Variants in CCNY observed in about 807,000 individuals in gnomAD.
CCNY encodes cyclin-Y.
Under a neutral mutation model 42.8 loss-of-function variants are expected in CCNY, and 19 were observed. The observed-to-expected ratio is 0.44, with a 90% CI of 0.31 to 0.65. CCNY has a LOEUF of 0.65. Ranked by LOEUF, CCNY falls within the 30% of genes least tolerant of loss-of-function variation. The pLI, the probability that CCNY is intolerant of heterozygous loss-of-function variation, is 0.07. For synonymous variants in CCNY, 165 were observed against 162.7 expected (o/e 1.01, Z -0.11); for missense variants, 370 against 437.3 (o/e 0.85, Z 1.37).
chr10:35,403,847 G>T (rs1336065348), intron 1 of CCNY, among the ~76,000 whole-genome samples: 1 of 152,274 alleles, frequency 6.6e-6, no homozygotes. Flanking sequence ...GCCTTTGCTG[G>T]TGAGTGGTGA....
chr10:35,326,872 G>C (rs986440625), intron 3 of CCNY, among the ~76,000 whole-genome samples: 4 of 152,096 alleles, frequency 2.6e-5, no homozygotes, highest in African/African-American at 9.7e-5. Flanking sequence ...CTGGGTGACA[G>C]AGTGACACTG....
chr10:35,376,980 A>G (rs1837066376), intron 1 of CCNY, among the ~76,000 whole-genome samples: 1 of 152,152 alleles, frequency 6.6e-6, no homozygotes, highest in African/African-American at 2.4e-5. Context: ...AGCAGTGATG[A>G]TTGTACAACT....
At chr10:35,568,993 G>C in intron 9 of CCNY, 61 bp from the exon 10 acceptor site, 1 of 1,111,946 alleles carries the variant, frequency 9.0e-7, no homozygotes, top group Middle Eastern at 2.2e-4. Context: ...CGCCCAGGAC[G>C]AGTGAGCAAT....
At chr10:35,292,730 G>A (rs1269313682) in intron 3 of CCNY, among the ~76,000 whole-genome samples, 1 of 146,770 alleles carries the variant, frequency 6.8e-6, no homozygotes, top group Non-Finnish European at 1.5e-5. Context: ...TTTCAGCATC[G>A]TATCTAAGAA....
intron 3 of CCNY, among the ~76,000 whole-genome samples, chr10:35,278,340 C>T (rs1200175037): frequency 1.3e-5 from 2 of 152,140 alleles, no homozygotes; most frequent in South Asian, 2.1e-4. Context: ...GAGAATACGC[C>T]AGAGGAACCA....
At chr10:35,378,406 T>C (rs1479050099) in intron 1 of CCNY, among the ~76,000 whole-genome samples, 1 of 152,150 alleles carries the variant, frequency 6.6e-6, no homozygotes, top group African/African-American at 2.4e-5. Flanking sequence ...ATCTTGACTG[T>C]TTTACAATAT....
intron 3 of CCNY, among the ~76,000 whole-genome samples, chr10:35,272,723 A>G (rs1306235488): frequency 6.6e-6 from 1 of 152,182 alleles, no homozygotes; most frequent in Non-Finnish European, 1.5e-5. Context: ...TAGTGCTGCA[A>G]TGAACATATG....
intron 3 of CCNY, among the ~76,000 whole-genome samples, chr10:35,269,642 T>G (rs1835136984): frequency 1.3e-5 from 2 of 149,888 alleles, no homozygotes; most frequent in South Asian, 4.3e-4. Context: ...TTTTGTTTTT[T>G]TTTTGAGATG....
At position 35,570,081 on chromosome 10, in the gene CCNY, G is replaced by C. The variant is rs1177356383; in HGVS notation, c.*911G>C. ...CTGGGCATGTGCCTGGAACTACCGAGTAGGAGCCATTTCTTTGTACCCCTG... is the reference window on the plus strand; with the variant it reads ...CTGGGCATGTGCCTGGAACTACCGACTAGGAGCCATTTCTTTGTACCCCTG... On this transcript the variant is annotated 3_prime_UTR_variant, in exon 10 of 10. Coordinates refer to ENST00000374704, the MANE Select transcript of CCNY (RefSeq NM_145012.6). The C allele has an allele frequency of 6.5e-6, 1 of 152,784 alleles. No individual in the cohort carries two copies. The highest frequency in any genetic ancestry group is 2.4e-5 in the African/African-American group (1 of 41,442). 9.5% of individuals were successfully genotyped at this position (152,784 alleles called of 1,614,324 possible). A position where few individuals can be genotyped will look rare whatever the true frequency, so the allele number is the denominator to read the frequency against.
intron 1 of CCNY, among the ~76,000 whole-genome samples, chr10:35,483,059 C>T (rs936745760): frequency 3.3e-5 from 5 of 152,006 alleles, no homozygotes; most frequent in Non-Finnish European, 7.3e-5. Flanking sequence ...TGTAATGTTT[C>T]GATGAATCTG....
chr10:35,444,372 C>G (rs1838745502), intron 1 of CCNY, among the ~76,000 whole-genome samples: 1 of 152,010 alleles, frequency 6.6e-6, no homozygotes, highest in Non-Finnish European at 1.5e-5. Flanking sequence ...CTCAGCCTCC[C>G]AAGTAGCTGG....
chr10:35,431,374 C>CCCCCTCCCCCTT (rs1838398176), intron 1 of CCNY, among the ~76,000 whole-genome samples: 1 of 34,214 alleles, frequency 2.9e-5, no homozygotes, highest in African/African-American at 1.2e-4. Context: ...CCCTCCCCCT[C>CCCCCTCCCCCTT]CCCCTTCCCC....
chr10:35,404,627 C>T (rs1291368985), intron 1 of CCNY, among the ~76,000 whole-genome samples: 1 of 151,960 alleles, frequency 6.6e-6, no homozygotes, highest in African/African-American at 2.4e-5. Flanking sequence ...AAGAGTTACC[C>T]AAAGCTTGGC....
At chr10:35,406,883 C>T (rs566578003) in intron 1 of CCNY, among the ~76,000 whole-genome samples, 128 of 152,112 alleles carry the variant, frequency 8.4e-4, no homozygotes, top group Non-Finnish European at 1.1e-3. Context: ...CCTCCGTCCC[C>T]GTCGGGGCGG....
chr10:35,395,046 A>T (rs1837494090), intron 1 of CCNY, among the ~76,000 whole-genome samples: 1 of 151,126 alleles, frequency 6.6e-6, no homozygotes, highest in Admixed American at 6.6e-5. Context: ...ATTATGAAGC[A>T]GCCTTGTTTG....
At chr10:35,514,802 C>CAGA (rs1485921045) in intron 3 of CCNY, among the ~76,000 whole-genome samples, 2 of 152,058 alleles carry the variant, frequency 1.3e-5, no homozygotes, top group African/African-American at 4.8e-5. Context: ...TTATTAACAC[C>CAGA]AGAAAAAATT....
At chr10:35,489,228 A>G (rs1460494619) in intron 2 of CCNY, among the ~76,000 whole-genome samples, 1 of 152,250 alleles carries the variant, frequency 6.6e-6, no homozygotes, top group African/African-American at 2.4e-5. Context: ...TCTTGGTGAG[A>G]TGCCTCTATG....
At chr10:35,474,325 G>A (rs1467504042) in intron 1 of CCNY, among the ~76,000 whole-genome samples, 1 of 152,222 alleles carries the variant, frequency 6.6e-6, no homozygotes, top group Non-Finnish European at 1.5e-5. Context: ...TGCCTCTGTA[G>A]GCTCCACCTC....
At chr10:35,458,504 C>T (rs1446564234) in intron 1 of CCNY, among the ~76,000 whole-genome samples, 2 of 152,174 alleles carry the variant, frequency 1.3e-5, no homozygotes, top group Non-Finnish European at 2.9e-5. Context: ...TAGGGTGGCA[C>T]CTTAGTATTC....
Sources: allele counts gnomAD v4.1 joint callset (sites outside exome capture counted in the v4.1 genomes callset), GRCh38; gene constraint gnomAD v4.1.1; transcripts MANE v1.5; gene names NCBI Gene and HGNC (gene_info 2026-07-23, HGNC 2026-07-21).